Variants in SNX29 observed in about 807,000 individuals in gnomAD.
SNX29 encodes the protein sorting nexin-29.
In SNX29, 78 loss-of-function variants were observed where a neutral mutation model predicts 102.1. That is an observed-to-expected ratio of 0.76 (90% CI 0.64 to 0.92). SNX29 has a LOEUF of 0.92. SNX29 is among the 40% of genes least tolerant of loss of function. SNX29 has a pLI of 0.00. For missense variants in SNX29, 1,280 were observed against 1,061.7 expected (o/e 1.21, Z -2.86); for synonymous variants, 580 against 414.5 (o/e 1.40, Z -4.85).
At chr16:11,998,276 C>T (rs555074458) in intron 1 of SNX29, among the ~76,000 whole-genome samples, 6 of 152,276 alleles carry the variant, frequency 3.9e-5, no homozygotes, top group Middle Eastern at 3.4e-3. Context: ...CATCATACTC[C>T]GGGCTTTGTA....
chr16:12,540,728 T>C (rs1176616952), intron 20 of SNX29, among the ~76,000 whole-genome samples: 1 of 152,194 alleles, frequency 6.6e-6, no homozygotes, highest in Non-Finnish European at 1.5e-5. Flanking sequence ...GATGAAGAGC[T>C]GGGCATCCTT....
intron 14 of SNX29, among the ~76,000 whole-genome samples, chr16:12,276,427 G>A (rs900191601): frequency 6.6e-6 from 1 of 152,188 alleles, no homozygotes; most frequent in Non-Finnish European, 1.5e-5. Context: ...GTGGTCTGAG[G>A]AGGCTTAGCC....
intron 20 of SNX29, among the ~76,000 whole-genome samples, chr16:12,541,040 G>C (rs911153864): frequency 1.3e-5 from 2 of 152,184 alleles, no homozygotes; most frequent in Non-Finnish European, 2.9e-5. Context: ...CATCTCTGTA[G>C]TCTGGCTGCT....
intron 19 of SNX29, among the ~76,000 whole-genome samples, chr16:12,493,386 G>A (rs2088649829): frequency 6.6e-6 from 1 of 152,150 alleles, no homozygotes; most frequent in South Asian, 2.1e-4. Context: ...CATTGATTTT[G>A]TATCCTGAGA....
In SNX29 at chr16:12,568,679, C is replaced by A; in HGVS notation, c.*50C>A. ...CCCTGTGCGTGGCACCAGCTGCGTC[C>A]ACCCCAGCCACTGCCGCTGGCCCCT... On this transcript the variant is annotated 3_prime_UTR_variant, in exon 21 of 21. Coordinates refer to ENST00000566228, the MANE Select transcript of SNX29 (RefSeq NM_032167.5). 1 of 1,583,608 alleles carries A rather than the reference C, an allele frequency of 6.3e-7. No individual in the cohort carries two copies. Among genetic ancestry groups the A allele is most frequent in the Non-Finnish European group, 8.5e-7 (1 of 1,170,644 alleles).
intron 14 of SNX29, among the ~76,000 whole-genome samples, chr16:12,243,296 C>A (rs1351438490): frequency 1.3e-5 from 2 of 152,210 alleles, no homozygotes; most frequent in African/African-American, 4.8e-5. Context: ...CAAAGTCTGA[C>A]CCCCTAGCCT....
intron 14 of SNX29, among the ~76,000 whole-genome samples, chr16:12,228,988 T>TC (rs1252235449): frequency 1.3e-5 from 2 of 152,170 alleles, no homozygotes; most frequent in Non-Finnish European, 2.9e-5. Context: ...TGCGCTTTTC[T>TC]CCCCCACTCC....
At chr16:12,416,701 G>C (rs2084652036) in intron 18 of SNX29, among the ~76,000 whole-genome samples, 2 of 152,166 alleles carry the variant, frequency 1.3e-5, no homozygotes, top group Non-Finnish European at 2.9e-5. Context: ...GGAAGGTGCA[G>C]GGGGAGCAGG....
At chr16:12,192,446 C>T (rs1468591194) in intron 13 of SNX29, among the ~76,000 whole-genome samples, 1 of 152,178 alleles carries the variant, frequency 6.6e-6, no homozygotes, top group African/African-American at 2.4e-5. Flanking sequence ...TCTTCTGTTT[C>T]CACCCCTCAT....
intron 16 of SNX29, among the ~76,000 whole-genome samples, chr16:12,368,774 C>T (rs960801689): frequency 1.3e-5 from 2 of 152,188 alleles, no homozygotes; most frequent in East Asian, 1.9e-4. Context: ...TTGAGTTTGC[C>T]GCTCACAACG....
intron 16 of SNX29, among the ~76,000 whole-genome samples, chr16:12,366,734 C>G (rs1306076903): frequency 6.6e-6 from 1 of 152,156 alleles, no homozygotes; most frequent in Non-Finnish European, 1.5e-5. Flanking sequence ...GTCTTTGTTT[C>G]TTCTTTGGTC....
intron 18 of SNX29, chr16:12,442,898 CA>C (rs1169702824): frequency 3.8e-5 from 16 of 415,964 alleles, no homozygotes; most frequent in East Asian, 1.4e-4. Context: ...TGGCTGTGTT[CA>C]AAAAAAACTT....
intron 15 of SNX29, among the ~76,000 whole-genome samples, chr16:12,320,046 G>C (rs1276115121): frequency 6.6e-6 from 1 of 152,150 alleles, no homozygotes; most frequent in East Asian, 1.9e-4. Flanking sequence ...CTCCTGGGGA[G>C]CTGCCACCTC....
chr16:12,279,165 C>G (rs956758823), intron 15 of SNX29, among the ~76,000 whole-genome samples: 2 of 152,170 alleles, frequency 1.3e-5, no homozygotes, highest in East Asian at 1.9e-4. Context: ...TCGGTTCTTT[C>G]TAAATCTTCT....
At chr16:12,462,563 A>T (rs2086853332) in intron 18 of SNX29, among the ~76,000 whole-genome samples, 1 of 151,724 alleles carries the variant, frequency 6.6e-6, no homozygotes, top group South Asian at 2.1e-4. Flanking sequence ...TTTAATTTGT[A>T]TCCCAGTCTT....
intron 11 of SNX29, among the ~76,000 whole-genome samples, chr16:12,108,864 C>T (rs556325043): frequency 6.6e-6 from 1 of 152,150 alleles, no homozygotes; most frequent in Non-Finnish European, 1.5e-5. Context: ...GGCACAGTGG[C>T]TCACGCCTGT....
intron 18 of SNX29, among the ~76,000 whole-genome samples, chr16:12,458,913 CT>C (rs1185863835): frequency 6.6e-6 from 1 of 152,220 alleles, no homozygotes; most frequent in Non-Finnish European, 1.5e-5. Context: ...GTGGCAAAAT[CT>C]TACCTTGAGC....
At chr16:12,168,548 C>G (rs1037391902) in intron 13 of SNX29, among the ~76,000 whole-genome samples, 1 of 152,202 alleles carries the variant, frequency 6.6e-6, no homozygotes, top group African/African-American at 2.4e-5. Flanking sequence ...CTTCCCATAA[C>G]TGAACAGGCT....
rs74008706 is a variant in SNX29 at position 12,174,724 on chromosome 16, A to G, written c.1596-24877A>G. Among the ~76,000 whole-genome samples, 1,425 of 152,344 alleles carry G rather than the reference A, an allele frequency of 9.4e-3. 24 individuals carry two copies. The highest frequency in any genetic ancestry group is 0.032 in the African/African-American group (1,350 of 41,576). ...CGTGATAATGCTGTTGGTGCTTTAT[A>G]AATGATGAACAATAAAAAGATTAGG... On this transcript the variant is annotated intron_variant, in intron 13 of 20. Coordinates refer to ENST00000566228, the MANE Select transcript of SNX29 (RefSeq NM_032167.5).
Sources: allele counts gnomAD v4.1 joint callset (sites outside exome capture counted in the v4.1 genomes callset), GRCh38; gene constraint gnomAD v4.1.1; transcripts MANE v1.5; gene names NCBI Gene and HGNC (gene_info 2026-07-23, HGNC 2026-07-21).